ARHGAP18: variants seen among roughly 807,000 people sequenced by gnomAD.
ARHGAP18 encodes the protein Rho GTPase activating protein 18.
ARHGAP18 carries 67 observed loss-of-function variants against 86.2 expected under a neutral mutation model. That is an observed-to-expected ratio of 0.78 (90% CI 0.64 to 0.95). The LOEUF is 0.95. Among genes scored for constraint, ARHGAP18 ranks in the 40% least tolerant of loss-of-function variants. The pLI, the probability that ARHGAP18 is intolerant of heterozygous loss-of-function variation, is 0.00. For missense variants in ARHGAP18, 691 were observed against 780.4 expected, an observed-to-expected ratio of 0.89 and a Z score of 1.37; for synonymous variants, 283 against 280.4, an observed-to-expected ratio of 1.01 and a Z score of -0.09.
At position 129,686,963 on chromosome 6, in the gene ARHGAP18, TTTTC is replaced by T. The variant is rs1261360526; in HGVS notation, c.113+23057_113+23060del. Among the ~76,000 whole-genome samples, 3 of 81,462 alleles carry T rather than the reference TTTTC, an allele frequency of 3.7e-5. No homozygotes were observed. In the East Asian group the frequency reaches 8.7e-4, roughly 24 times the overall value. 53.4% of individuals were successfully genotyped at this position (81,462 alleles called of 152,430 possible). A position where few individuals can be genotyped will look rare whatever the true frequency, so the allele number is the denominator to read the frequency against. On this transcript the variant is annotated intron_variant, in intron 1 of 14. Coordinates refer to ENST00000368149, the MANE Select transcript of ARHGAP18 (RefSeq NM_033515.3). ...CGGCCACCACACCTGGCTAATTTTTTTTTCTTTTTTTTTTCTTTTTTTTTTTTTT... is the reference window on the plus strand; with the variant it reads ...CGGCCACCACACCTGGCTAATTTTTTTTTTTTTTTTCTTTTTTTTTTTTTT...
At chr6:129,668,151 C>T (rs1309204447) in intron 1 of ARHGAP18, among the ~76,000 whole-genome samples, 2 of 152,182 alleles carry the variant, frequency 1.3e-5, no homozygotes, top group Non-Finnish European at 2.9e-5. Flanking sequence ...CTTATCTGGT[C>T]TTGTTTATAT....
chr6:129,692,193 T>G (rs1314042487), intron 1 of ARHGAP18, among the ~76,000 whole-genome samples: 1 of 152,254 alleles, frequency 6.6e-6, no homozygotes, highest in African/African-American at 2.4e-5. Context: ...AGCCTGGGCA[T>G]TTCTGTGGAT....
intron 2 of ARHGAP18, among the ~76,000 whole-genome samples, chr6:129,639,879 T>C (rs1177521688): frequency 6.6e-6 from 1 of 151,540 alleles, no homozygotes; most frequent in East Asian, 1.9e-4. Flanking sequence ...ACCCCCTCTC[T>C]ACAAAAAATA....
chr6:129,680,483 A>G (rs948787715), intron 1 of ARHGAP18, among the ~76,000 whole-genome samples: 2 of 152,178 alleles, frequency 1.3e-5, no homozygotes, highest in Non-Finnish European at 2.9e-5. Context: ...CCTCCTCAAT[A>G]ATAACCTCAA....
chr6:129,638,457 G>GT lies in ARHGAP18; in HGVS notation c.488dup (p.Asn163LysfsTer8), dbSNP rs749346165. On this transcript the variant is annotated frameshift_variant, in exon 3 of 15. Coordinates refer to ENST00000368149, the MANE Select transcript of ARHGAP18 (RefSeq NM_033515.3). LOFTEE classifies it high-confidence loss of function. The stretch of plus-strand genomic sequence containing the variant: ...TGACGTCAGGAATCTGGTACTGTTT[G>GT]TTTTTTTTCCTCAAGGTCTGGGAGA... 5 of 1,613,702 alleles carry GT rather than the reference G, an allele frequency of 3.1e-6. No homozygotes were observed. The highest frequency in any genetic ancestry group is 4.2e-6 in the Non-Finnish European group (5 of 1,179,960).
chr6:129,673,682 CTTAAA>C (rs934014638), intron 1 of ARHGAP18, among the ~76,000 whole-genome samples: 8 of 152,230 alleles, frequency 5.3e-5, no homozygotes, highest in Admixed American at 3.3e-4. Context: ...CCATTTGCTT[CTTAAA>C]TTAATGTACA....
chr6:129,691,540 G>A (rs780536484), intron 1 of ARHGAP18, among the ~76,000 whole-genome samples: 10 of 152,088 alleles, frequency 6.6e-5, no homozygotes, highest in Admixed American at 5.2e-4. Flanking sequence ...CTCTCTAAGC[G>A]TTAAAACTTA....
At chr6:129,618,985 G>A (rs1789154964) in intron 5 of ARHGAP18, 133 bp from the exon 6 acceptor site, 1 of 828,710 alleles carries the variant, frequency 1.2e-6, no homozygotes, top group Non-Finnish European at 1.8e-6. Context: ...AATTTCTCCA[G>A]TCAGAATGAA....
intron 4 of ARHGAP18, among the ~76,000 whole-genome samples, chr6:129,632,195 A>T (rs1773233045): frequency 6.6e-6 from 1 of 152,194 alleles, no homozygotes; most frequent in Non-Finnish European, 1.5e-5. Flanking sequence ...CTAGTGAAAG[A>T]GCATGGCATT....
At chr6:129,595,207 C>A (rs1788591520) in intron 12 of ARHGAP18, among the ~76,000 whole-genome samples, 1 of 152,142 alleles carries the variant, frequency 6.6e-6, no homozygotes, top group Non-Finnish European at 1.5e-5. Context: ...ATAGCTATTA[C>A]CCCCTAAAAA....
intron 12 of ARHGAP18, among the ~76,000 whole-genome samples, chr6:129,586,060 G>A (rs897414902): frequency 3.9e-5 from 6 of 152,118 alleles, no homozygotes; most frequent in Non-Finnish European, 8.8e-5. Context: ...GCAATGGATG[G>A]GGCATTTCAT....
intron 1 of ARHGAP18, among the ~76,000 whole-genome samples, chr6:129,679,766 T>C (rs1774293553): frequency 1.3e-5 from 2 of 152,240 alleles, no homozygotes; most frequent in Non-Finnish European, 2.9e-5. Context: ...TGGTTTCATG[T>C]GGCTGCTATA....
intron 12 of ARHGAP18, among the ~76,000 whole-genome samples, chr6:129,592,085 G>A (rs1788527558): frequency 6.6e-6 from 1 of 151,646 alleles, no homozygotes. Flanking sequence ...AATTTCCAAT[G>A]ACATAAGTTC....
At chr6:129,583,682 G>A (rs1426380891) in intron 13 of ARHGAP18, among the ~76,000 whole-genome samples, 1 of 152,034 alleles carries the variant, frequency 6.6e-6, no homozygotes, top group African/African-American at 2.4e-5. Flanking sequence ...ACATATCCTG[G>A]AAAGAATACT....
intron 11 of ARHGAP18, among the ~76,000 whole-genome samples, chr6:129,599,639 A>G (rs9402145): frequency 0.13 from 19,342 of 152,058 alleles, 1,322 homozygotes; most frequent in Admixed American, 0.18. Flanking sequence ...GCCGTTTTCT[A>G]TGCCAGACTG....
intron 1 of ARHGAP18, among the ~76,000 whole-genome samples, chr6:129,643,343 G>A (rs903375731): frequency 3.9e-5 from 6 of 152,216 alleles, no homozygotes; most frequent in South Asian, 2.1e-4. Flanking sequence ...TGCTGTTCTC[G>A]TGATAGTGAG....
intron 4 of ARHGAP18, among the ~76,000 whole-genome samples, chr6:129,630,050 G>A (rs1278873067): frequency 6.6e-6 from 1 of 152,098 alleles, no homozygotes; most frequent in African/African-American, 2.4e-5. Context: ...CAAAACAAGA[G>A]TTAGTGCCAA....
chr6:129,591,212 C>T (rs932589228), intron 12 of ARHGAP18, among the ~76,000 whole-genome samples: 1 of 152,168 alleles, frequency 6.6e-6, no homozygotes, highest in Non-Finnish European at 1.5e-5. Context: ...CATGCCTGAT[C>T]GTTAAGCCAG....
At position 129,641,925 on chromosome 6, in the gene ARHGAP18, A is replaced by G; in HGVS notation, c.207T>C (p.Ser69=). ...PPFDRSISQD[S]LDELSMEDYW... ...AGTCTTCCATAGATAGTTCATCCAA[A>G]GAATCCTGGGAAATTGATCGATCAA... Residue 69 remains serine (S), a synonymous_variant, in exon 2 of 15, where the codon TCT becomes TCC. Transcript: ENST00000368149. 6.2e-7 allele frequency: 1 copy of G among 1,614,000 alleles called. No homozygotes were observed. The highest frequency in any genetic ancestry group is 8.5e-7 in the Non-Finnish European group (1 of 1,179,932).
Sources: gnomAD v4.1 joint callset for allele counts (sites outside exome capture counted in the v4.1 genomes callset) on GRCh38, gnomAD v4.1.1 for gene constraint, MANE v1.5 for transcripts, NCBI Gene and HGNC (gene_info 2026-07-23, HGNC 2026-07-21) for gene names.